The following KCNC2 variants were observed in gnomAD, a reference collection of about 807,000 sequenced individuals.
KCNC2 encodes the protein voltage-gated potassium channel KCNC2.
A neutral mutation model predicts 44.5 loss-of-function variants in KCNC2; 21 were observed. That is an observed-to-expected ratio of 0.47 (90% CI 0.33 to 0.68). The LOEUF (loss-of-function observed/expected upper bound fraction) is 0.68, where lower values mean the gene tolerates loss of function less well. Among genes scored for constraint, KCNC2 ranks in the 30% least tolerant of loss-of-function variants. KCNC2 has a pLI of 0.01. For missense variants in KCNC2, 589 were observed against 826.2 expected, an observed-to-expected ratio of 0.71 and a Z score of 3.52; for synonymous variants, 391 against 339.1, an observed-to-expected ratio of 1.15 and a Z score of -1.68.
intron 2 of KCNC2, among the ~76,000 whole-genome samples, chr12:75,183,976 C>T (rs533335859): frequency 1.3e-5 from 2 of 152,160 alleles, no homozygotes; most frequent in South Asian, 2.1e-4. Context: ...ACCACTGGCC[C>T]ACTTGATGCC....
At chr12:75,166,065 T>C (rs1420539204) in intron 2 of KCNC2, among the ~76,000 whole-genome samples, 1 of 151,290 alleles carries the variant, frequency 6.6e-6, no homozygotes, top group Non-Finnish European at 1.5e-5. Context: ...GGAAAAAATA[T>C]ATACCACATA....
At chr12:75,195,532 A>G (rs147322373) in intron 2 of KCNC2, among the ~76,000 whole-genome samples, 330 of 152,214 alleles carry the variant, frequency 2.2e-3, no homozygotes, top group African/African-American at 7.3e-3. Context: ...AACATTCTTG[A>G]CTTTTCTTGT....
chr12:75,127,012 G>A (rs1277364623), intron 2 of KCNC2, among the ~76,000 whole-genome samples: 2 of 152,124 alleles, frequency 1.3e-5, no homozygotes, highest in African/African-American at 4.8e-5. Flanking sequence ...TGTGTTAAAT[G>A]TGCCCTGGTC....
At chr12:75,166,430 A>C (rs953920227) in intron 2 of KCNC2, among the ~76,000 whole-genome samples, 1 of 148,592 alleles carries the variant, frequency 6.7e-6, no homozygotes. Context: ...TGGAAAGAGA[A>C]AACTCGAATG....
intron 2 of KCNC2, among the ~76,000 whole-genome samples, chr12:75,075,351 GA>G (rs36142679): frequency 1.3e-5 from 2 of 150,706 alleles, no homozygotes; most frequent in East Asian, 1.9e-4. Flanking sequence ...TATCCCTTCA[GA>G]AAAAAAATAC....
At chr12:75,181,381 T>C (rs975377864) in intron 2 of KCNC2, among the ~76,000 whole-genome samples, 2 of 152,230 alleles carry the variant, frequency 1.3e-5, no homozygotes, top group Admixed American at 6.5e-5. Flanking sequence ...TCTGCATATC[T>C]ACAGCCATGA....
At chr12:75,056,876 T>C (rs1881800594) in intron 2 of KCNC2, among the ~76,000 whole-genome samples, 1 of 152,008 alleles carries the variant, frequency 6.6e-6, no homozygotes, top group Non-Finnish European at 1.5e-5. Context: ...AGAACAACAA[T>C]ATGCAGAATG....
rs922428510 is a variant in KCNC2, at chr12:75,043,045, G to A, written c.*60C>T. The A allele has an allele frequency of 3.2e-5, 52 of 1,600,174 alleles. No individual in the cohort carries two copies. The highest frequency in any genetic ancestry group is 4.1e-5 in the Non-Finnish European group (48 of 1,172,600). On this transcript the variant is annotated 3_prime_UTR_variant, in exon 5 of 5. Transcript: ENST00000549446. ...CTCTACATTTAATTATTTCCATTAT[G>A]GGGTAAACAGCACTTGAATTAATAC...
At chr12:75,161,360 G>A (rs1445259981) in intron 2 of KCNC2, among the ~76,000 whole-genome samples, 3 of 151,562 alleles carry the variant, frequency 2.0e-5, no homozygotes, top group Non-Finnish European at 3.0e-5. Flanking sequence ...ATAGCAGCAC[G>A]GGAAGCTACT....
chr12:75,105,871 G>A (rs1448511115), intron 2 of KCNC2, among the ~76,000 whole-genome samples: 1 of 151,934 alleles, frequency 6.6e-6, no homozygotes, highest in Non-Finnish European at 1.5e-5. Context: ...TCTAGGTTTT[G>A]GGGAAGAGGA....
chr12:75,134,278 G>A (rs1469820682), intron 2 of KCNC2, among the ~76,000 whole-genome samples: 2 of 151,874 alleles, frequency 1.3e-5, no homozygotes, highest in Non-Finnish European at 2.9e-5. Context: ...GGCATTAAGT[G>A]AATAGTTGTT....
intron 2 of KCNC2, among the ~76,000 whole-genome samples, chr12:75,185,058 G>C (rs2446341): frequency 6.6e-6 from 1 of 151,938 alleles, no homozygotes; most frequent in African/African-American, 2.4e-5. Context: ...TAAAATGATA[G>C]TAGACTTTAT....
chr12:75,089,191 C>T (rs1457778392), intron 2 of KCNC2, among the ~76,000 whole-genome samples: 2 of 151,638 alleles, frequency 1.3e-5, no homozygotes, highest in African/African-American at 4.8e-5. Context: ...TTAGGTACAG[C>T]CTGGTGATTT....
intron 2 of KCNC2, among the ~76,000 whole-genome samples, chr12:75,185,148 A>G (rs1892849327): frequency 6.6e-6 from 1 of 152,246 alleles, no homozygotes; most frequent in Non-Finnish European, 1.5e-5. Context: ...TTAACTTGCA[A>G]TTCTTAATAG....
intron 2 of KCNC2, among the ~76,000 whole-genome samples, chr12:75,109,171 T>C (rs903802689): frequency 1.3e-5 from 2 of 152,206 alleles, no homozygotes; most frequent in African/African-American, 2.4e-5. Context: ...GCTTGTTACA[T>C]AGGAAATCCC....
Position 75,190,410 on chromosome 12 carries a change from G to A in KCNC2, c.687+16887C>T, listed in dbSNP as rs576055345. 1.1e-4 allele frequency among the ~76,000 whole-genome samples: 16 copies of A among 152,224 alleles called. No homozygotes were observed. The South Asian group carries it at 2.9e-3, about 28-fold the overall frequency. On this transcript the variant is annotated intron_variant, in intron 2 of 4. Coordinates refer to ENST00000549446, the MANE Select transcript of KCNC2 (RefSeq NM_139137.4). ...ATATTTCAGTGTTGTGATAGTTCAG[G>A]AGGTGATGCTAACAATCAAAGGTTA... is the stretch of plus-strand genomic sequence containing the variant.
chr12:75,103,676 T>C (rs891073568), intron 2 of KCNC2, among the ~76,000 whole-genome samples: 11 of 152,134 alleles, frequency 7.2e-5, no homozygotes, highest in African/African-American at 2.7e-4. Context: ...CCCCCTTATC[T>C]TTGGGGGATA....
intron 2 of KCNC2, among the ~76,000 whole-genome samples, chr12:75,151,330 G>C (rs1016470763): frequency 2.2e-4 from 33 of 151,972 alleles, no homozygotes; most frequent in Non-Finnish European, 7.4e-5. Context: ...GTTTGCAGTT[G>C]GAATTCACAC....
chr12:75,139,331 C>G (rs771765631), intron 2 of KCNC2, among the ~76,000 whole-genome samples: 2 of 152,230 alleles, frequency 1.3e-5, no homozygotes. Flanking sequence ...AAACATGAAC[C>G]AAAATTTTAT....
Sources: allele counts gnomAD v4.1 joint callset (sites outside exome capture counted in the v4.1 genomes callset), GRCh38; gene constraint gnomAD v4.1.1; transcripts MANE v1.5; gene names NCBI Gene and HGNC (gene_info 2026-07-23, HGNC 2026-07-21).